Variants in ARID4B observed in about 807,000 individuals in gnomAD.
ARID4B encodes AT-rich interaction domain 4B.
A neutral mutation model predicts 147.5 loss-of-function variants in ARID4B; 26 were observed. The observed-to-expected ratio is 0.18, with a 90% confidence interval of 0.13 to 0.24. The LOEUF (loss-of-function observed/expected upper bound fraction) is 0.24, where lower values mean the gene tolerates loss of function less well. Among genes scored for constraint, ARID4B ranks in the 10% least tolerant of loss-of-function variants. The pLI, the probability that ARID4B is intolerant of heterozygous loss-of-function variation, is 1.00. For missense variants in ARID4B, 1,179 were observed against 1,511.5 expected (o/e 0.78, Z 3.65); for synonymous variants, 512 against 507.9 (o/e 1.01, Z -0.11).
chr1:235,170,283 A>G (rs534916887), intron 23 of ARID4B, among the ~76,000 whole-genome samples: 7 of 152,328 alleles, frequency 4.6e-5, no homozygotes, highest in African/African-American at 1.7e-4. Flanking sequence ...CATGGCAGAG[A>G]TAAGTAGTTT....
intron 17 of ARID4B, among the ~76,000 whole-genome samples, chr1:235,202,058 G>T (rs936905138): frequency 6.7e-6 from 1 of 149,888 alleles, no homozygotes; most frequent in Non-Finnish European, 1.5e-5. Flanking sequence ...TACAATCCAG[G>T]ATAGTTTATC....
intron 2 of ARID4B, among the ~76,000 whole-genome samples, chr1:235,288,098 G>C (rs1038741538): frequency 1.8e-4 from 28 of 152,290 alleles, no homozygotes; most frequent in African/African-American, 6.7e-4. Context: ...CCTGAAGTCA[G>C]GAATTTCTCA....
At chr1:235,171,261 C>T (rs752198314) in intron 23 of ARID4B, among the ~76,000 whole-genome samples, 5 of 151,892 alleles carry the variant, frequency 3.3e-5, no homozygotes, top group Non-Finnish European at 7.4e-5. Flanking sequence ...CATGGTGAAA[C>T]CCCATCTCTA....
At chr1:235,276,458 A>C (rs1207239436) in intron 2 of ARID4B, among the ~76,000 whole-genome samples, 1 of 152,100 alleles carries the variant, frequency 6.6e-6, no homozygotes, top group African/African-American at 2.4e-5. Context: ...TTCTACTCAT[A>C]TTTTTCAAAG....
intron 5 of ARID4B, among the ~76,000 whole-genome samples, chr1:235,254,639 C>T (rs2103101849): frequency 6.6e-6 from 1 of 151,716 alleles, no homozygotes; most frequent in South Asian, 2.1e-4. Context: ...AATAAAGCAA[C>T]AGGAGAAATA....
intron 17 of ARID4B, among the ~76,000 whole-genome samples, chr1:235,202,057 G>C (rs1665978064): frequency 6.7e-6 from 1 of 149,732 alleles, no homozygotes; most frequent in Non-Finnish European, 1.5e-5. Context: ...ATACAATCCA[G>C]GATAGTTTAT....
At chr1:235,310,991 T>C (rs1353169584) in intron 2 of ARID4B, among the ~76,000 whole-genome samples, 2 of 152,212 alleles carry the variant, frequency 1.3e-5, no homozygotes, top group African/African-American at 2.4e-5. Flanking sequence ...ACCTGTCTAA[T>C]CAATGCTAAC....
At chr1:235,248,268 T>C (rs539683115) in intron 6 of ARID4B, among the ~76,000 whole-genome samples, 5 of 152,264 alleles carry the variant, frequency 3.3e-5, no homozygotes, top group Admixed American at 3.3e-4. Context: ...CAGGCTGGTC[T>C]CGAACTCCTG....
intron 8 of ARID4B, among the ~76,000 whole-genome samples, chr1:235,238,490 A>G (rs914305334): frequency 6.6e-6 from 1 of 152,034 alleles, no homozygotes; most frequent in African/African-American, 2.4e-5. Context: ...AGTACTTTCA[A>G]AGTGTCTTTT....
intron 12 of ARID4B, among the ~76,000 whole-genome samples, chr1:235,224,359 G>A (rs1667691683): frequency 6.6e-6 from 1 of 152,138 alleles, no homozygotes; most frequent in African/African-American, 2.4e-5. Flanking sequence ...CTGAGCCAAG[G>A]CTCACTTTTG....
At chr1:235,323,920 TG>T (rs1404554881) in intron 2 of ARID4B, among the ~76,000 whole-genome samples, 12 of 151,348 alleles carry the variant, frequency 7.9e-5, no homozygotes, top group African/African-American at 2.9e-4. Context: ...TTTTTTTTTT[TG>T]AGAGAGAGAG....
chr1:235,247,179 T>G (rs891860218), intron 6 of ARID4B, among the ~76,000 whole-genome samples: 3 of 152,136 alleles, frequency 2.0e-5, no homozygotes, highest in African/African-American at 7.2e-5. Context: ...CTGTTATAAA[T>G]AATTTCACAA....
At chr1:235,274,966 T>C (rs575556627) in intron 2 of ARID4B, among the ~76,000 whole-genome samples, 2 of 151,708 alleles carry the variant, frequency 1.3e-5, no homozygotes, top group Admixed American at 6.6e-5. Flanking sequence ...ATGGTAAGAG[T>C]AGGAAAATCC....
At chr1:235,234,310 C>T (rs1572041434) in intron 9 of ARID4B, 103 bp downstream of exon 9, 4 of 739,288 alleles carry the variant, frequency 5.4e-6, no homozygotes, top group Admixed American at 5.2e-5. Flanking sequence ...AAAATAAAAG[C>T]CTAAGGTAAT....
chr1:235,288,630 T>C (rs1284672279), intron 2 of ARID4B, among the ~76,000 whole-genome samples: 2 of 152,266 alleles, frequency 1.3e-5, no homozygotes, highest in African/African-American at 4.8e-5. Context: ...CTACTGGTGA[T>C]ATTAAGTGGT....
intron 20 of ARID4B, among the ~76,000 whole-genome samples, chr1:235,179,525 CAAAAA>C (rs61143006): frequency 1.4e-4 from 7 of 48,356 alleles, no homozygotes; most frequent in East Asian, 1.4e-3. Flanking sequence ...CTCTATGTCT[CAAAAA>C]AAAAAAAAAA....
chr1:235,254,625 C>T (rs1199357078), intron 5 of ARID4B, among the ~76,000 whole-genome samples: 1 of 151,498 alleles, frequency 6.6e-6, no homozygotes, highest in Non-Finnish European at 1.5e-5. Context: ...AAAGCAGAGA[C>T]AAGAATAAAG....
intron 20 of ARID4B, chr1:235,181,148 A>G: frequency 9.7e-7 from 1 of 1,026,176 alleles, no homozygotes. Flanking sequence ...GTTGCTCCAA[A>G]CCCCTACATA....
chr1:235,241,023 A>G lies in ARID4B; in HGVS notation c.447-572T>C, dbSNP rs557965108. ...TGCTAAAAACTTTCAAAATTAAAAGAAAAACAGAAAATCCTTTCAGTAACA... is the reference window on the plus strand; with the variant it reads ...TGCTAAAAACTTTCAAAATTAAAAGGAAAACAGAAAATCCTTTCAGTAACA... On this transcript the variant is annotated intron_variant, in intron 7 of 23. Coordinates refer to ENST00000264183, the MANE Select transcript of ARID4B (RefSeq NM_016374.6). 2.6e-5 allele frequency among the ~76,000 whole-genome samples: 4 copies of G among 152,350 alleles called. No individual in the cohort carries two copies. The East Asian group carries it at 7.7e-4, about 29-fold the overall frequency.
Sources: gnomAD v4.1 joint callset for allele counts (sites outside exome capture counted in the v4.1 genomes callset) on GRCh38, gnomAD v4.1.1 for gene constraint, MANE v1.5 for transcripts, NCBI Gene and HGNC (gene_info 2026-07-23, HGNC 2026-07-21) for gene names.